GALK2: variants seen among roughly 807,000 people sequenced by gnomAD.
GALK2 encodes N-acetylgalactosamine kinase.
In GALK2, 36 loss-of-function variants were observed where a neutral mutation model predicts 52.4. That is an observed-to-expected ratio of 0.69 (90% CI 0.53 to 0.91). The LOEUF is 0.91. Ranked by LOEUF, GALK2 falls within the 40% of genes least tolerant of loss-of-function variation. GALK2 has a pLI of 0.00. For missense variants in GALK2, 579 were observed against 559.1 expected, an observed-to-expected ratio of 1.04 and a Z score of -0.36; for synonymous variants, 176 against 199.1, an observed-to-expected ratio of 0.88 and a Z score of 0.98.
Position 49,328,152 on chromosome 15 carries a change from A to G in GALK2, c.1370A>G (p.Glu457Gly), listed in dbSNP as rs1376972105. Residue 457 changes from glutamate (E) to glycine (G), a missense_variant, in exon 10 of 10, where the codon GAG (glutamate) becomes GGG (glycine). Transcript: ENST00000560031. ...GGAGGTGGGGCTTTGGTTTTGCTTGAGGCCTGAAAAAATGTAAAAAGTCTG... is the reference window on the plus strand; with the variant it reads ...GGAGGTGGGGCTTTGGTTTTGCTTGGGGCCTGAAAAAATGTAAAAAGTCTG... ...KPGGGALVLL[E>G]A 6.2e-7 allele frequency: 1 copy of G among 1,613,096 alleles called. No individual in the cohort carries two copies. The highest frequency in any genetic ancestry group is 8.5e-7 in the Non-Finnish European group (1 of 1,179,494).
intron 5 of GALK2, among the ~76,000 whole-genome samples, chr15:49,250,020 C>A (rs575895445): frequency 2.0e-5 from 3 of 152,108 alleles, no homozygotes. Context: ...CAATGGAAAC[C>A]GGACATAGCA....
chr15:49,266,365 T>C (rs1356092698), intron 5 of GALK2, among the ~76,000 whole-genome samples: 3 of 152,152 alleles, frequency 2.0e-5, no homozygotes, highest in Non-Finnish European at 4.4e-5. Context: ...AAAGTCACAT[T>C]GCAAGGGAAC....
chr15:49,329,817 A>G lies in GALK2; in HGVS notation c.*1658A>G. 1 of 905,252 alleles carries G rather than the reference A, an allele frequency of 1.1e-6. No homozygotes were observed. The highest frequency in any genetic ancestry group is 1.3e-6 in the Non-Finnish European group (1 of 757,250). 56.1% of individuals were successfully genotyped at this position (905,252 alleles called of 1,614,324 possible). On this transcript the variant is annotated 3_prime_UTR_variant, in exon 10 of 10. Coordinates refer to ENST00000560031, the MANE Select transcript of GALK2 (RefSeq NM_002044.4). ...TACCTGGATCAGTGTAAAAAAAAAA[A>G]AAAAAAGGCACCTGTCATTGTTTTG...
intron 1 of GALK2, among the ~76,000 whole-genome samples, chr15:49,179,658 T>C (rs1290426485): frequency 6.6e-6 from 1 of 151,360 alleles, no homozygotes; most frequent in East Asian, 1.9e-4. Flanking sequence ...CTTTCTTTTT[T>C]TTTTTTTTTT....
Position 49,201,269 on chromosome 15 carries a change from C to T in GALK2, c.142+19C>T, listed in dbSNP as rs370204709. Reference sequence around the variant, plus strand: ...ATAATAGGTATTTCAAAAGTTCCTTCTCTTAATTTTTTTCTTCATCCTTTG... The same window carrying T: ...ATAATAGGTATTTCAAAAGTTCCTTTTCTTAATTTTTTTCTTCATCCTTTG... On this transcript the variant is annotated intron_variant, in intron 2 of 9. Coordinates refer to ENST00000560031, the MANE Select transcript of GALK2 (RefSeq NM_002044.4). The T allele has an allele frequency of 1.3e-4, 187 of 1,439,026 alleles. 2 individuals carry two copies. The African/African-American group carries it at 1.9e-3, about 14-fold the overall frequency. 89.1% of individuals were successfully genotyped at this position (1,439,026 alleles called of 1,614,324 possible). A position where few individuals can be genotyped will look rare whatever the true frequency, so the allele number is the denominator to read the frequency against.
chr15:49,216,382 TG>T (rs1462340401), intron 2 of GALK2, among the ~76,000 whole-genome samples: 1 of 152,216 alleles, frequency 6.6e-6, no homozygotes, highest in East Asian at 1.9e-4. Context: ...TCGACTGAGC[TG>T]GTACCCAAAT....
At chr15:49,358,423 A>C (rs2151378262) in intron 3 of GALK2, among the ~76,000 whole-genome samples, 1 of 131,982 alleles carries the variant, frequency 7.6e-6, no homozygotes, top group South Asian at 2.6e-4. Context: ...AAAAATCACA[A>C]GCATTCTTAT....
chr15:49,365,696 T>G, intron 3 of GALK2: 1 of 915,370 alleles, frequency 1.1e-6, no homozygotes, highest in South Asian at 1.3e-5. Flanking sequence ...TTCAGTGTTT[T>G]AATTAAATTC....
intron 3 of GALK2, among the ~76,000 whole-genome samples, chr15:49,233,502 T>C (rs941388491): frequency 1.3e-5 from 2 of 152,166 alleles, no homozygotes; most frequent in African/African-American, 4.8e-5. Flanking sequence ...TATCCTCCTC[T>C]TTTTCTCCTC....
intron 3 of GALK2, among the ~76,000 whole-genome samples, chr15:49,223,446 G>A (rs78258437): frequency 0.017 from 2,597 of 152,146 alleles, 95 homozygotes; most frequent in African/African-American, 0.06. Flanking sequence ...TTTTGTAATG[G>A]TGATGTTTGG....
intron 8 of GALK2, among the ~76,000 whole-genome samples, chr15:49,309,721 A>G (rs1036159381): frequency 1.3e-5 from 2 of 151,968 alleles, no homozygotes; most frequent in Non-Finnish European, 2.9e-5. Context: ...CCCGGGTTCA[A>G]GCAATTCTCA....
At chr15:49,311,968 T>C (rs2036027524) in intron 8 of GALK2, among the ~76,000 whole-genome samples, 1 of 152,228 alleles carries the variant, frequency 6.6e-6, no homozygotes, top group African/African-American at 2.4e-5. Context: ...GGCCGGGGGC[T>C]GTCCACACAG....
intron 5 of GALK2, among the ~76,000 whole-genome samples, chr15:49,266,782 C>G (rs2092377131): frequency 6.6e-6 from 1 of 152,036 alleles, no homozygotes; most frequent in Non-Finnish European, 1.5e-5. Context: ...GTGAATCTGG[C>G]AATTATGAGT....
chr15:49,206,705 T>G (rs1295194865), intron 2 of GALK2, among the ~76,000 whole-genome samples: 1 of 152,224 alleles, frequency 6.6e-6, no homozygotes, highest in Non-Finnish European at 1.5e-5. Context: ...GAAACTTTGC[T>G]GAATTCTTTT....
intron 8 of GALK2, among the ~76,000 whole-genome samples, chr15:49,305,796 G>A (rs750949147): frequency 2.0e-5 from 3 of 152,148 alleles, no homozygotes; most frequent in Non-Finnish European, 4.4e-5. Context: ...GGTTGCTTAT[G>A]GAAAAGCACA....
chr15:49,349,119 T>C lies in GALK2; in HGVS notation c.427-18372T>C, dbSNP rs115748855. 6.4e-3 allele frequency among the ~76,000 whole-genome samples: 968 copies of C among 152,328 alleles called. 14 individuals are homozygous for C. Among genetic ancestry groups the C allele is most frequent in the African/African-American group, 0.022 (912 of 41,580 alleles). Reference sequence around the variant, plus strand: ...ACAAGTTGGTGAATTGTAGTCTGTATCTTGTATATTTTATTAAAAGAAAAT... The same window carrying C: ...ACAAGTTGGTGAATTGTAGTCTGTACCTTGTATATTTTATTAAAAGAAAAT... On this transcript the variant is annotated intron_variant, in intron 3 of 3. Transcript: ENST00000558399.
At chr15:49,182,567 C>T (rs1427985220) in intron 1 of GALK2, among the ~76,000 whole-genome samples, 2 of 152,148 alleles carry the variant, frequency 1.3e-5, no homozygotes. Flanking sequence ...AACCTCTCAA[C>T]TGTTCTCGGT....
intron 1 of GALK2, 111 bp from the exon 2 acceptor site, chr15:49,201,051 G>GGTGT: frequency 2.3e-6 from 1 of 442,336 alleles, no homozygotes. Context: ...GCAGGCATAT[G>GGTGT]GAGTGTGTGT....
chr15:49,159,369 A>T (rs2084566462), intron 1 of GALK2, among the ~76,000 whole-genome samples: 2 of 152,138 alleles, frequency 1.3e-5, no homozygotes, highest in South Asian at 4.1e-4. Context: ...TGAGGTCAGG[A>T]GTTTGAGACC....
Sources: allele counts gnomAD v4.1 joint callset (sites outside exome capture counted in the v4.1 genomes callset), GRCh38; gene constraint gnomAD v4.1.1; transcripts MANE v1.5; gene names NCBI Gene and HGNC (gene_info 2026-07-23, HGNC 2026-07-21).